The following POFUT3 variants were observed in gnomAD, a reference collection of about 807,000 sequenced individuals.
POFUT3 encodes the protein GDP-fucose protein O-fucosyltransferase 3.
At chr8:33,436,077 A>G in the POFUT3 span, among the ~76,000 whole-genome samples, 10 of 152,252 alleles carry the variant, frequency 6.6e-5, no homozygotes, top group African/African-American at 2.4e-4. Flanking sequence ...GGGAAGCTAC[A>G]GAAGTACTGA....
At chr8:33,323,432 A>G in the POFUT3 span, among the ~76,000 whole-genome samples, 1 of 152,190 alleles carries the variant, frequency 6.6e-6, no homozygotes, top group Admixed American at 6.6e-5. Flanking sequence ...TAGCACTCAC[A>G]AAGGGTAATG....
chr8:33,327,649 T>G, the POFUT3 span, among the ~76,000 whole-genome samples: 1 of 152,168 alleles, frequency 6.6e-6, no homozygotes, highest in Non-Finnish European at 1.5e-5. Flanking sequence ...CACTTAATGG[T>G]GCAGCAGAAG....
At chr8:33,407,009 T>C in the POFUT3 span, among the ~76,000 whole-genome samples, 1 of 152,192 alleles carries the variant, frequency 6.6e-6, no homozygotes, top group Non-Finnish European at 1.5e-5. Context: ...TTGTATAATA[T>C]GTAAAAGTTC....
the POFUT3 span, among the ~76,000 whole-genome samples, chr8:33,321,231 A>C: frequency 1.3e-5 from 2 of 152,048 alleles, no homozygotes; most frequent in Non-Finnish European, 2.9e-5. Context: ...ATTGGCTATT[A>C]CTACATAAAA....
the POFUT3 span, among the ~76,000 whole-genome samples, chr8:33,309,138 T>TAA: frequency 1.0e-3 from 42 of 41,676 alleles, no homozygotes; most frequent in African/African-American, 1.5e-3. Context: ...CTGGGGAGTG[T>TAA]AAAAAAAAAA....
chr8:33,403,731 TTTTTAAATAA>T, the POFUT3 span, among the ~76,000 whole-genome samples: 1 of 152,084 alleles, frequency 6.6e-6, no homozygotes, highest in Non-Finnish European at 1.5e-5. Flanking sequence ...TTTAAAAAAT[TTTTTAAATAA>T]AAAATAAATT....
At chr8:33,440,631 G>T in the POFUT3 span, among the ~76,000 whole-genome samples, 1 of 152,032 alleles carries the variant, frequency 6.6e-6, no homozygotes, top group East Asian at 1.9e-4. Context: ...CAAAAAAATG[G>T]AGTCACGTGA....
chr8:33,356,790 T>C, the POFUT3 span, among the ~76,000 whole-genome samples: 1 of 152,128 alleles, frequency 6.6e-6, no homozygotes, highest in African/African-American at 2.4e-5. Flanking sequence ...TCTTCTAGGG[T>C]TTTTATGGTT....
chr8:33,381,444 T>G, the POFUT3 span, among the ~76,000 whole-genome samples: 2 of 152,226 alleles, frequency 1.3e-5, no homozygotes, highest in African/African-American at 4.8e-5. Flanking sequence ...TACATCTGTC[T>G]TTGAACAACT....
chr8:33,324,096 T>A, the POFUT3 span, among the ~76,000 whole-genome samples: 6 of 152,088 alleles, frequency 3.9e-5, no homozygotes, highest in Admixed American at 3.3e-4. Flanking sequence ...GTCCATAGAC[T>A]CCCCAGAGGT....
the POFUT3 span, among the ~76,000 whole-genome samples, chr8:33,420,884 C>T: frequency 6.6e-6 from 1 of 150,688 alleles, no homozygotes; most frequent in South Asian, 2.1e-4. Context: ...TGTATCAAAA[C>T]ATCACTACGT....
the POFUT3 span, chr8:33,389,398 T>C: frequency 6.2e-7 from 1 of 1,614,198 alleles, no homozygotes; most frequent in Non-Finnish European, 8.5e-7. Flanking sequence ...CCATAGAGGC[T>C]GGATTTTTCA....
At chr8:33,373,619 C>A in the POFUT3 span, among the ~76,000 whole-genome samples, 2 of 151,798 alleles carry the variant, frequency 1.3e-5, no homozygotes, top group African/African-American at 4.8e-5. Context: ...CTTAAAATGG[C>A]CTACATGTTC....
chr8:33,424,303 T>C, the POFUT3 span, among the ~76,000 whole-genome samples: 1 of 152,172 alleles, frequency 6.6e-6, no homozygotes. Flanking sequence ...GACTCCTTTG[T>C]GCCTGTAACA....
At chr8:33,341,449 AAAGAAAAAGAAAG>A in the POFUT3 span, among the ~76,000 whole-genome samples, 1 of 151,592 alleles carries the variant, frequency 6.6e-6, no homozygotes, top group Non-Finnish European at 1.5e-5. Context: ...AAAAAAAAAA[AAAGAAAAAGAAAG>A]AAAATATCCA....
the POFUT3 span, among the ~76,000 whole-genome samples, chr8:33,318,705 A>T: frequency 3.1e-4 from 25 of 79,450 alleles, no homozygotes; most frequent in Non-Finnish European, 5.2e-4. Context: ...TATTTATATA[A>T]TATATAAATA....
chr8:33,345,266 A>T, the POFUT3 span, among the ~76,000 whole-genome samples: 1 of 152,186 alleles, frequency 6.6e-6, no homozygotes, highest in Non-Finnish European at 1.5e-5. Flanking sequence ...CTATAGGGTG[A>T]TTCAGACACT....
chr8:33,329,784 C>T, the POFUT3 span, among the ~76,000 whole-genome samples: 5 of 152,288 alleles, frequency 3.3e-5, no homozygotes, highest in Middle Eastern at 3.4e-3. Flanking sequence ...TTTGATATTT[C>T]TTATAAATGG....
the POFUT3 span, among the ~76,000 whole-genome samples, chr8:33,310,690 CAAA>C: frequency 2.3e-5 from 3 of 128,090 alleles, no homozygotes; most frequent in African/African-American, 2.9e-5. Context: ...GACTCCATCT[CAAA>C]AAAAAAAAAA....
Sources: gnomAD v4.1 joint callset for allele counts (sites outside exome capture counted in the v4.1 genomes callset) on GRCh38, gnomAD v4.1.1 for gene constraint, MANE v1.5 for transcripts, NCBI Gene and HGNC (gene_info 2026-07-23, HGNC 2026-07-21) for gene names.